The following BRF2 variants were observed in gnomAD, a reference collection of about 807,000 sequenced individuals.
BRF2 encodes the protein BRF2 general transcription factor IIIB subunit.
A neutral mutation model predicts 26.6 loss-of-function variants in BRF2; 17 were observed. The observed-to-expected ratio is 0.64, with a 90% CI of 0.44 to 0.96. The LOEUF (loss-of-function observed/expected upper bound fraction) is 0.96. Ranked by LOEUF, BRF2 falls within the 40% of genes least tolerant of loss-of-function variation. The pLI is 0.00. For missense variants in BRF2, 515 were observed against 537.0 expected (o/e 0.96, Z 0.40); for synonymous variants, 219 against 226.6 (o/e 0.97, Z 0.30).
intron 3 of BRF2, among the ~76,000 whole-genome samples, chr8:37,845,434 C>T (rs1001415371): frequency 2.6e-5 from 4 of 151,820 alleles, no homozygotes; most frequent in African/African-American, 9.7e-5. Context: ...TTATTGGGCG[C>T]CTCCCAATCA....
chr8:37,846,692 C>G (rs1051250822), intron 3 of BRF2, among the ~76,000 whole-genome samples, 162 bp downstream of exon 3: 4 of 151,756 alleles, frequency 2.6e-5, no homozygotes, highest in Middle Eastern at 6.9e-3. Context: ...GCTTGAACCC[C>G]GGAGGCGGAG....
chr8:37,849,620 C>T lies in BRF2; in HGVS notation c.154+10G>A. On this transcript the variant is annotated intron_variant, in intron 1 of 3. Transcript: ENST00000220659. ...CCACCGCCCCAGGCTGTCCCCAGGG[C>T]CACAAGTACCTCGGAGATTGCCCTC... The T allele has an allele frequency of 1.9e-6, 3 of 1,610,812 alleles. No homozygotes were observed. Among genetic ancestry groups the T allele is most frequent in the East Asian group, 4.5e-5 (2 of 44,694 alleles).
Position 37,847,088 on chromosome 8 carries a change from T to C in BRF2, c.302A>G (p.Tyr101Cys). 6.2e-7 allele frequency: 1 copy of C among 1,614,240 alleles called. No homozygotes were observed. The highest frequency in any genetic ancestry group is 8.5e-7 in the Non-Finnish European group (1 of 1,180,046). The change falls in exon 3 of 4, where the codon TAT becomes TGT. Residue 101 changes from tyrosine to cysteine, a missense_variant. Coordinates refer to ENST00000220659, the MANE Select transcript of BRF2 (RefSeq NM_018310.4). ...DTAVAYYQQAYRHSGIRAARL... is the reference protein window; with the variant it reads ...DTAVAYYQQACRHSGIRAARL... ...GGCCGCTCGGATGCCAGAGTGCCGA[T>C]ATGCCTGTTGGTAGTAGGCAACCGC...
At position 37,849,829 on chromosome 8, in the gene BRF2, G is replaced by C. The variant is rs1212468635; in HGVS notation, c.-46C>G. The C allele has an allele frequency of 1.3e-6, 2 of 1,545,910 alleles. No individual in the cohort carries two copies. Among genetic ancestry groups the C allele is most frequent in the South Asian group, 2.3e-5 (2 of 85,818 alleles). On this transcript the variant is annotated 5_prime_UTR_variant, in exon 1 of 4. Transcript: ENST00000220659. Reference sequence around the variant, plus strand: ...CGCGGAAGCCTTCAGAGACTCCTGGGTCTGCAACAGCAACCGTGAGGCAGC... The same window carrying C: ...CGCGGAAGCCTTCAGAGACTCCTGGCTCTGCAACAGCAACCGTGAGGCAGC...
At position 37,844,828 on chromosome 8, in the gene BRF2, C is replaced by G. The variant is rs2130086401; in HGVS notation, c.922G>C (p.Val308Leu). The G allele has an allele frequency of 6.2e-7, 1 of 1,614,198 alleles. No homozygotes were observed. Among genetic ancestry groups the G allele is most frequent in the African/African-American group, 1.3e-5 (1 of 75,056 alleles). ...GTCCCATCCCGAAAGGCAGAGCGGA[C>G]CAGTGACTGGCGGTGCTGGAGAAGG... is the stretch of plus-strand genomic sequence containing the variant. ...GDLLQHRQSLVRSAFRDGTAE... is the reference protein window; with the variant it reads ...GDLLQHRQSLLRSAFRDGTAE... The change falls in exon 4 of 4, where the codon GTC becomes CTC. Residue 308 changes from valine to leucine, a missense_variant. Val to Leu is a conservative substitution (Grantham distance 32). Coordinates refer to ENST00000220659, the MANE Select transcript of BRF2 (RefSeq NM_018310.4).
rs776768064 is a variant in BRF2 at position 37,846,857 on chromosome 8, C to T, written c.533G>A (p.Ser178Asn). The T allele has an allele frequency of 2.5e-6, 4 of 1,609,808 alleles. No individual in the cohort carries two copies. The highest frequency in any genetic ancestry group is 3.4e-6 in the Non-Finnish European group (4 of 1,176,382). Residue 178 changes from serine (S) to asparagine (N), a missense_variant, in exon 3 of 4, where the codon AGC (serine) becomes AAC (asparagine). By Grantham distance (46) the Ser-to-Asn change is conservative. Transcript: ENST00000220659. ...CLAELVKTYC[S>N]SFKLFQASPS... is the part of the protein sequence containing the mutation. The stretch of plus-strand genomic sequence containing the variant: ...CTGTCTCCCACCAGGGACGTACCTG[C>T]TGCAATAGGTCTTCACCAGTTCTGC...
rs975745383 is a variant in BRF2, at chr8:37,844,504, G to A, written c.1246C>T (p.Pro416Ser). Residue 416 changes from proline to serine, a missense_variant, in exon 4 of 4, where the codon CCT becomes TCT. Physicochemically the swap from Pro to Ser is moderately conservative, Grantham distance 74. Coordinates refer to ENST00000220659, the MANE Select transcript of BRF2 (RefSeq NM_018310.4). ...GTGGATATCCATCAGGGAGGGTTAGGGACACTCGTGGCAGCCTGTCTAGCA... is the reference window on the plus strand; with the variant it reads ...GTGGATATCCATCAGGGAGGGTTAGAGACACTCGTGGCAGCCTGTCTAGCA... ...QAARQAATSVPNPP is the reference protein window; with the variant it reads ...QAARQAATSVSNPP 6 of 1,612,980 alleles carry A rather than the reference G, an allele frequency of 3.7e-6. No homozygotes were observed. Among genetic ancestry groups the A allele is most frequent in the Non-Finnish European group, 5.1e-6 (6 of 1,179,944 alleles).
rs150211844 is a variant in BRF2, at chr8:37,844,769, C to T, written c.981G>A (p.Pro327=). The change falls in exon 4 of 4, where the codon CCG becomes CCA. Residue 327 remains proline, a synonymous_variant. Coordinates refer to ENST00000220659, the MANE Select transcript of BRF2 (RefSeq NM_018310.4). ...AEVETREKEP[P]GWGQGQGEGE... ...CTTCTCCTTGCCCCTGTCCCCACCC[C>T]GGTGGCTCCTTCTCTCGGGTCTCCA... 3.9e-5 allele frequency: 63 copies of T among 1,614,038 alleles called. No homozygotes were observed. The East Asian group carries it at 6.0e-4, about 15-fold the overall frequency.
chr8:37,846,236 T>C (rs1443128357), intron 3 of BRF2, among the ~76,000 whole-genome samples: 2 of 151,618 alleles, frequency 1.3e-5, no homozygotes, highest in Non-Finnish European at 2.9e-5. Context: ...TAGTCCCAGC[T>C]ACTTGGGAGG....
In BRF2 at chr8:37,845,087, A is replaced by G. The variant is rs1563358215; in HGVS notation, c.663T>C (p.His221=). 3.1e-6 allele frequency: 5 copies of G among 1,613,804 alleles called. No homozygotes were observed. Among genetic ancestry groups the G allele is most frequent in the African/African-American group, 2.7e-5 (2 of 75,050 alleles). ...ANETWLVTGR[H]PLPVITAATF... ...TCGCAGCAGTGATGACGGGCAAGGG[A>G]TGCCTCCCGGTCACCAGCCACGTCT... Residue 221 remains histidine, a synonymous_variant, in exon 4 of 4, where the codon CAT becomes CAC. Coordinates refer to ENST00000220659, the MANE Select transcript of BRF2 (RefSeq NM_018310.4).
intron 3 of BRF2, among the ~76,000 whole-genome samples, chr8:37,845,419 A>G (rs777221971): frequency 2.8e-4 from 42 of 151,802 alleles, no homozygotes; most frequent in Non-Finnish European, 5.1e-4. Context: ...GGAGAGCACG[A>G]ACATTTATTG....
intron 3 of BRF2, among the ~76,000 whole-genome samples, chr8:37,846,118 G>A (rs1805951744): frequency 1.3e-5 from 2 of 152,310 alleles, no homozygotes; most frequent in East Asian, 1.9e-4. Flanking sequence ...GGAGGCTGAG[G>A]TGGGTAGAAC....
chr8:37,847,197 A>T lies in BRF2; in HGVS notation c.215-22T>A, dbSNP rs112791122. The stretch of plus-strand genomic sequence containing the variant: ...AGACCTAGGAAAAACCCACGGCAAG[A>T]GTTAGAGGGGTCAAAGGAGCTATCG... On this transcript the variant is annotated intron_variant, in intron 2 of 3. Transcript: ENST00000220659. 37 of 1,609,650 alleles carry T rather than the reference A, an allele frequency of 2.3e-5. No homozygotes were observed. The African/African-American group carries it at 3.7e-4, about 16-fold the overall frequency.
intron 3 of BRF2, chr8:37,845,675 G>A (rs985514473): frequency 1.4e-5 from 10 of 699,320 alleles, no homozygotes; most frequent in Middle Eastern, 2.7e-4. Context: ...CAGTGCTCAC[G>A]CCTGTAATAC....
At position 37,844,860 on chromosome 8, in the gene BRF2, A is replaced by G. The variant is rs1428263512; in HGVS notation, c.890T>C (p.Ile297Thr). Reference protein sequence around the residue: ...RLDKRSVVKHIGDLLQHRQSL... With the variant: ...RLDKRSVVKHTGDLLQHRQSL... ...CTGGCGGTGCTGGAGAAGGTCACCG[A>G]TGTGCTTCACCACAGACCGTTTGTC... The change falls in exon 4 of 4, where the codon ATC becomes ACC. Residue 297 changes from isoleucine (I) to threonine (T), a missense_variant. Coordinates refer to ENST00000220659, the MANE Select transcript of BRF2 (RefSeq NM_018310.4). The G allele has an allele frequency of 6.2e-7, 1 of 1,614,128 alleles. No individual in the cohort carries two copies. Among genetic ancestry groups the G allele is most frequent in the Admixed American group, 1.7e-5 (1 of 60,006 alleles).
At chr8:37,849,603 C>T (rs541242285) in intron 1 of BRF2, 27 bp downstream of exon 1, 3 of 1,600,694 alleles carry the variant, frequency 1.9e-6, no homozygotes, top group Non-Finnish European at 2.6e-6. Context: ...CTCCACCGCC[C>T]CAGGCTGTCC....
Position 37,844,887 on chromosome 8 carries a change from A to G in BRF2, c.863T>C (p.Leu288Pro), listed in dbSNP as rs893889839. 2 of 1,614,098 alleles carry G rather than the reference A, an allele frequency of 1.2e-6. No individual in the cohort carries two copies. Among genetic ancestry groups the G allele is most frequent in the Non-Finnish European group, 1.7e-6 (2 of 1,180,058 alleles). The change falls in exon 4 of 4, where the codon CTT becomes CCT. Residue 288 changes from leucine to proline, a missense_variant. Transcript: ENST00000220659. Reference protein sequence around the residue: ...EQLAWLRVLRLDKRSVVKHIG... With the variant: ...EQLAWLRVLRPDKRSVVKHIG... ...GTGCTTCACCACAGACCGTTTGTCA[A>G]GTCTCAGAACTCGTAACCAGGCCAG...
chr8:37,847,985 T>G (rs1805993792), intron 2 of BRF2, among the ~76,000 whole-genome samples: 1 of 151,360 alleles, frequency 6.6e-6, no homozygotes, highest in South Asian at 2.1e-4. Context: ...AGTCTCGCTC[T>G]GTCACCCAGG....
intron 1 of BRF2, 80 bp from the exon 2 acceptor site, chr8:37,848,735 C>G: frequency 1.7e-6 from 2 of 1,191,562 alleles, no homozygotes; most frequent in Non-Finnish European, 2.5e-6. Flanking sequence ...AAAACCAGGA[C>G]GCAAAATTCA....
Sources: allele counts gnomAD v4.1 joint callset (sites outside exome capture counted in the v4.1 genomes callset), GRCh38; gene constraint gnomAD v4.1.1; transcripts MANE v1.5; gene names NCBI Gene and HGNC (gene_info 2026-07-23, HGNC 2026-07-21).